Variants in TCF4 observed in about 807,000 individuals in gnomAD.
TCF4 encodes the protein SL3-3 enhancer factor 2.
In TCF4, 3 loss-of-function variants were observed where a neutral mutation model predicts 82.1. The observed-to-expected ratio is 0.04, with a 90% CI of 0.02 to 0.09. TCF4 has a LOEUF of 0.09. Ranked by LOEUF, TCF4 falls within the 10% of genes least tolerant of loss-of-function variation. The probability of loss-of-function intolerance (pLI) is 1.00; values close to 1 mark genes in which losing one functional copy is unlikely to be tolerated. For synonymous variants in TCF4, 276 were observed against 309.6 expected, an observed-to-expected ratio of 0.89 and a Z score of 1.14; for missense variants, 518 against 852.7, an observed-to-expected ratio of 0.61 and a Z score of 4.89.
chr18:55,257,601 T>C, intron 13 of TCF4: 1 of 595,300 alleles, frequency 1.7e-6, no homozygotes, highest in Non-Finnish European at 3.0e-6. Context: ...AGACTCACAA[T>C]TCCCCCAGGC....
chr18:55,534,024 A>C (rs1304529818), intron 3 of TCF4, among the ~76,000 whole-genome samples: 1 of 152,220 alleles, frequency 6.6e-6, no homozygotes, highest in Non-Finnish European at 1.5e-5. Flanking sequence ...ACATGAGGCA[A>C]CTTTGGGGTG....
At chr18:55,550,554 G>C (rs948360638) in intron 3 of TCF4, 2 of 152,100 alleles carry the variant, frequency 1.3e-5, no homozygotes, top group Non-Finnish European at 2.9e-5. Flanking sequence ...AATTACACTG[G>C]CCAGAAATTT....
chr18:55,470,312 G>A (rs757615074), intron 3 of TCF4, among the ~76,000 whole-genome samples: 4 of 152,102 alleles, frequency 2.6e-5, no homozygotes, highest in Non-Finnish European at 2.9e-5. Flanking sequence ...ATGACTCCTT[G>A]TTCTGCTAAA....
At chr18:55,279,759 CT>C in intron 8 of TCF4, 103 bp from the exon 9 acceptor site, 1 of 1,542,622 alleles carries the variant, frequency 6.5e-7, no homozygotes, top group Non-Finnish European at 8.8e-7. Context: ...CATTTCTACC[CT>C]TTCCAGTTTA....
chr18:55,530,561 A>AG (rs11412432), intron 3 of TCF4, among the ~76,000 whole-genome samples: 61,840 of 105,954 alleles, frequency 0.58, 17,237 homozygotes, highest in Admixed American at 0.67. Context: ...GGCCCTGAAA[A>AG]GGGGGGGGGA....
At chr18:55,574,126 G>A (rs1381866502) in intron 3 of TCF4, among the ~76,000 whole-genome samples, 1 of 152,092 alleles carries the variant, frequency 6.6e-6, no homozygotes, top group African/African-American at 2.4e-5. Context: ...AAATTTCAGA[G>A]TACATTCCTA....
At chr18:55,478,491 C>T (rs915253766) in intron 3 of TCF4, among the ~76,000 whole-genome samples, 1 of 152,052 alleles carries the variant, frequency 6.6e-6, no homozygotes, top group African/African-American at 2.4e-5. Flanking sequence ...CTGATCTGTC[C>T]CCGATAAATT....
At chr18:55,482,897 A>C (rs1188782442) in intron 3 of TCF4, 1 of 152,230 alleles carries the variant, frequency 6.6e-6, no homozygotes, top group South Asian at 2.1e-4. Context: ...TCCTTGGGTC[A>C]GCTTTCCTTG....
At chr18:55,611,282 T>C (rs2097706749) in intron 2 of TCF4, among the ~76,000 whole-genome samples, 1 of 152,176 alleles carries the variant, frequency 6.6e-6, no homozygotes, top group East Asian at 1.9e-4. Context: ...AAAATATGCT[T>C]GTACCCTAAG....
At position 55,269,899 on chromosome 18, in the gene TCF4, C is replaced by G. The variant is rs769123898; in HGVS notation, c.854G>C (p.Arg285Pro). The change falls in exon 11 of 20, where the codon CGT (arginine) becomes CCT (proline). Residue 285 changes from arginine to proline, a missense_variant. By Grantham distance (103) the Arg-to-Pro change is moderately radical. Transcript: ENST00000354452. The stretch of plus-strand genomic sequence containing the variant: ...GGTGCTGTAATGGTTTGTACCACTA[C>G]GATGGAAAGTGGACATCGGAGGAAG... ...SSLPPMSTFH[R>P]SGTNHYSTSS... 6.2e-7 allele frequency: 1 copy of G among 1,613,232 alleles called. No individual in the cohort carries two copies. Among genetic ancestry groups the G allele is most frequent in the Non-Finnish European group, 8.5e-7 (1 of 1,179,486 alleles).
Position 55,536,148 on chromosome 18 carries a change from G to C in TCF4, c.145+49132C>G, listed in dbSNP as rs191022391. Among the ~76,000 whole-genome samples the C allele has an allele frequency of 3.3e-5, 5 of 152,112 alleles. No individual in the cohort carries two copies. The East Asian group carries it at 9.6e-4, about 29-fold the overall frequency. On this transcript the variant is annotated intron_variant, in intron 3 of 19. Transcript: ENST00000354452. ...TTTCAAAGTTATAGTACTCCCATTGGCAAATATATAGAAACAACATCAATG... is the reference window on the plus strand; with the variant it reads ...TTTCAAAGTTATAGTACTCCCATTGCCAAATATATAGAAACAACATCAATG...
intron 6 of TCF4, among the ~76,000 whole-genome samples, chr18:55,391,284 G>T (rs2093065581): frequency 2.0e-5 from 3 of 152,200 alleles, no homozygotes; most frequent in Admixed American, 1.3e-4. Flanking sequence ...CAAAGCAGTG[G>T]CAGGGTGCAA....
At chr18:55,462,698 A>G (rs946558885) in intron 4 of TCF4, among the ~76,000 whole-genome samples, 4 of 152,216 alleles carry the variant, frequency 2.6e-5, no homozygotes, top group Middle Eastern at 3.2e-3. Context: ...AATTGTGAAA[A>G]TCTGGATGAA....
At chr18:55,453,069 C>G (rs1329899489) in intron 5 of TCF4, among the ~76,000 whole-genome samples, 1 of 152,192 alleles carries the variant, frequency 6.6e-6, no homozygotes, top group Admixed American at 6.5e-5. Flanking sequence ...GTATGAGTCC[C>G]AAACTTGCTT....
intron 6 of TCF4, among the ~76,000 whole-genome samples, chr18:55,362,435 A>AG (rs1491263766): frequency 2.5e-5 from 3 of 122,306 alleles, no homozygotes; most frequent in African/African-American, 1.0e-4. Flanking sequence ...GGAAGGAAGG[A>AG]AAAAAAAAAA....
chr18:55,564,262 T>C (rs1450809300), intron 3 of TCF4, among the ~76,000 whole-genome samples: 2 of 152,232 alleles, frequency 1.3e-5, no homozygotes, highest in East Asian at 1.9e-4. Context: ...CAAATGAGGT[T>C]GTAGAGGTAC....
chr18:55,368,524 AC>A (rs1196835972), intron 6 of TCF4, among the ~76,000 whole-genome samples: 1 of 152,214 alleles, frequency 6.6e-6, no homozygotes, highest in Non-Finnish European at 1.5e-5. Flanking sequence ...AAACAAAAAA[AC>A]AAAAAACACA....
intron 3 of TCF4, among the ~76,000 whole-genome samples, chr18:55,511,674 A>G (rs569751025): frequency 9.2e-5 from 14 of 152,246 alleles, no homozygotes; most frequent in African/African-American, 2.6e-4. Context: ...ACCTGACAGT[A>G]TATTTCTTGG....
upstream of TCF4, chr18:55,589,788 C>A (rs2097680458): frequency 9.9e-7 from 1 of 1,010,006 alleles, no homozygotes; most frequent in Non-Finnish European, 1.2e-6. Flanking sequence ...CATTCACATC[C>A]GGGAACTGCG....
Sources: gnomAD v4.1 joint callset for allele counts (sites outside exome capture counted in the v4.1 genomes callset) on GRCh38, gnomAD v4.1.1 for gene constraint, MANE v1.5 for transcripts, NCBI Gene and HGNC (gene_info 2026-07-23, HGNC 2026-07-21) for gene names.